ITGA9: variants seen among roughly 807,000 people sequenced by gnomAD.
ITGA9 encodes the protein integrin alpha-9.
Under a neutral mutation model 127.8 loss-of-function variants are expected in ITGA9, and 56 were observed. The ratio of observed to expected loss-of-function variants is 0.44; its 90% CI spans 0.35 to 0.55. The LOEUF is 0.55. ITGA9 is among the 20% of genes least tolerant of loss of function. The pLI is 0.00. For missense variants in ITGA9, 1,196 were observed against 1,347.1 expected (o/e 0.89, Z 1.76); for synonymous variants, 508 against 514.5 (o/e 0.99, Z 0.17).
At chr3:37,587,078 C>G (rs1307362888) in intron 15 of ITGA9, among the ~76,000 whole-genome samples, 1 of 152,106 alleles carries the variant, frequency 6.6e-6, no homozygotes, top group Non-Finnish European at 1.5e-5. Flanking sequence ...CCTGGTTTAG[C>G]ATATGTTGCA....
intron 23 of ITGA9, among the ~76,000 whole-genome samples, chr3:37,770,591 C>T (rs1696830970): frequency 6.6e-6 from 1 of 152,200 alleles, no homozygotes; most frequent in African/African-American, 2.4e-5. Context: ...TTCCCTTCTC[C>T]ACCTGGGATC....
chr3:37,654,190 C>CCACACACACACA (rs67516814), intron 17 of ITGA9, among the ~76,000 whole-genome samples: 78 of 146,400 alleles, frequency 5.3e-4, no homozygotes, highest in African/African-American at 1.7e-3. Flanking sequence ...CCTCCTGCCT[C>CCACACACACACA]CACACACACA....
intron 25 of ITGA9, among the ~76,000 whole-genome samples, chr3:37,784,651 A>G (rs932108938): frequency 1.3e-5 from 2 of 152,204 alleles, no homozygotes; most frequent in Admixed American, 6.5e-5. Flanking sequence ...AGCTTTATTT[A>G]TCCTCAACTC....
intron 23 of ITGA9, among the ~76,000 whole-genome samples, chr3:37,773,589 T>C (rs1400837235): frequency 7.2e-6 from 1 of 138,832 alleles, no homozygotes; most frequent in Non-Finnish European, 1.6e-5. Flanking sequence ...AATTTAACTC[T>C]CTTTTTTTTT....
chr3:37,561,169 C>T (rs984145311), intron 15 of ITGA9, among the ~76,000 whole-genome samples: 19 of 152,094 alleles, frequency 1.2e-4, no homozygotes, highest in Admixed American at 3.3e-4. Flanking sequence ...CACAGTTCAG[C>T]GCATAAAAAT....
intron 15 of ITGA9, among the ~76,000 whole-genome samples, chr3:37,627,270 CA>C (rs1700184558): frequency 6.6e-6 from 1 of 152,192 alleles, no homozygotes; most frequent in Non-Finnish European, 1.5e-5. Flanking sequence ...CCCCGGGAGT[CA>C]TCTGTCCCCT....
At chr3:37,713,897 A>G (rs1701105293) in intron 18 of ITGA9, among the ~76,000 whole-genome samples, 1 of 152,240 alleles carries the variant, frequency 6.6e-6, no homozygotes, top group African/African-American at 2.4e-5. Flanking sequence ...AACCCTACAC[A>G]GACCAGTGTC....
chr3:37,725,273 G>A (rs1316481741), intron 18 of ITGA9, among the ~76,000 whole-genome samples: 1 of 152,196 alleles, frequency 6.6e-6, no homozygotes, highest in Non-Finnish European at 1.5e-5. Flanking sequence ...CTGACTCCAG[G>A]ACTATCCATG....
At chr3:37,708,710 G>A (rs1701041352) in intron 18 of ITGA9, among the ~76,000 whole-genome samples, 1 of 146,106 alleles carries the variant, frequency 6.8e-6, no homozygotes, top group South Asian at 2.2e-4. Flanking sequence ...AATGCCAACA[G>A]CATTGAGGCT....
intron 1 of ITGA9, among the ~76,000 whole-genome samples, chr3:37,460,747 A>G (rs1698308203): frequency 6.6e-6 from 1 of 151,594 alleles, no homozygotes; most frequent in African/African-American, 2.4e-5. Flanking sequence ...CCCCCACCAC[A>G]CCCGGCTAAT....
chr3:37,699,171 C>T (rs1700919162), intron 18 of ITGA9, among the ~76,000 whole-genome samples: 1 of 152,144 alleles, frequency 6.6e-6, no homozygotes, highest in South Asian at 2.1e-4. Flanking sequence ...ATACGCATTC[C>T]CTGGATGAAC....
At chr3:37,545,562 GA>G (rs750875100) in intron 15 of ITGA9, among the ~76,000 whole-genome samples, 24 of 152,322 alleles carry the variant, frequency 1.6e-4, no homozygotes, top group Admixed American at 8.5e-4. Context: ...ACATCCTCCT[GA>G]GGGGAGGGCA....
rs1006399023 is a variant in ITGA9, at chr3:37,452,848, T to G, written c.185+289T>G. Among the ~76,000 whole-genome samples the G allele has an allele frequency of 7.9e-5, 12 of 152,138 alleles. No individual in the cohort carries two copies. The highest frequency in any genetic ancestry group is 2.2e-4 in the African/African-American group (9 of 41,508). On this transcript the variant is annotated intron_variant, in intron 1 of 27. Transcript: ENST00000264741. This position sits in a 1 kb window ranked among gnomAD's most constrained non-coding sequence, Gnocchi z 7.3. ...GGGGAGAGCCGCTAGAGTTGTCTCC[T>G]CCGCCGCCCAGCTAGACTCGGCTTC...
chr3:37,529,781 C>T (rs1317742889), intron 13 of ITGA9, among the ~76,000 whole-genome samples: 1 of 152,152 alleles, frequency 6.6e-6, no homozygotes, highest in African/African-American at 2.4e-5. Context: ...TGGGAGGCTG[C>T]TCCAGAGATG....
chr3:37,566,237 GT>G (rs1229493695), intron 15 of ITGA9, among the ~76,000 whole-genome samples: 1 of 152,174 alleles, frequency 6.6e-6, no homozygotes, highest in Non-Finnish European at 1.5e-5. Flanking sequence ...TTTATCTGCT[GT>G]TTTTTCAATC....
intron 15 of ITGA9, among the ~76,000 whole-genome samples, chr3:37,583,217 C>G (rs1227405755): frequency 1.3e-5 from 2 of 152,114 alleles, no homozygotes; most frequent in African/African-American, 4.8e-5. Flanking sequence ...AGAGGTGTCC[C>G]CAGACTGCTG....
Position 37,473,398 on chromosome 3 carries a change from C to A in ITGA9, c.358C>A (p.Arg120Ser), listed in dbSNP as rs375600188. The A allele has an allele frequency of 3.7e-6, 6 of 1,614,044 alleles. No individual in the cohort carries two copies. Among genetic ancestry groups the A allele is most frequent in the Middle Eastern group, 1.6e-4 (1 of 6,062 alleles). Residue 120 changes from arginine to serine, a missense_variant, in exon 3 of 28, where the codon CGC (arginine) becomes AGC (serine). By Grantham distance (110) the Arg-to-Ser change is moderately radical. Coordinates refer to ENST00000264741, the MANE Select transcript of ITGA9 (RefSeq NM_002207.3). ...TSCGKTCRED[R>S]DDEWMGVSLA... ...CTGCGGAAAGACCTGCCGGGAAGAC[C>A]GCGATGATGAGTGGATGGGGGTGAG...
intron 14 of ITGA9, among the ~76,000 whole-genome samples, chr3:37,534,630 A>G (rs1699190520): frequency 6.6e-6 from 1 of 152,266 alleles, no homozygotes; most frequent in Non-Finnish European, 1.5e-5. Flanking sequence ...ATCTTCAGGT[A>G]TATTGAATAA....
At chr3:37,719,436 A>G (rs888209119) in intron 18 of ITGA9, among the ~76,000 whole-genome samples, 1 of 152,132 alleles carries the variant, frequency 6.6e-6, no homozygotes, top group African/African-American at 2.4e-5. Context: ...CTTCAGCCAA[A>G]GGAAGTTCAG....
Sources: gnomAD v4.1 joint callset for allele counts (sites outside exome capture counted in the v4.1 genomes callset) on GRCh38, gnomAD v4.1.1 for gene constraint, Gnocchi (gnomAD v3.1) non-coding constraint, MANE v1.5 for transcripts, NCBI Gene and HGNC (gene_info 2026-07-23, HGNC 2026-07-21) for gene names.